INPP4B: variants seen among roughly 807,000 people sequenced by gnomAD.
INPP4B encodes inositol polyphosphate 4-phosphatase type II.
In INPP4B, 55 loss-of-function variants were observed where a neutral mutation model predicts 122.5. The ratio of observed to expected loss-of-function variants is 0.45; its 90% confidence interval spans 0.36 to 0.56. The LOEUF (loss-of-function observed/expected upper bound fraction) is 0.56. Ranked by LOEUF, INPP4B falls within the 20% of genes least tolerant of loss-of-function variation. The probability of loss-of-function intolerance (pLI) is 0.00; values close to 1 mark genes in which losing one functional copy is unlikely to be tolerated. For missense variants in INPP4B, 1,000 were observed against 1,097.7 expected (o/e 0.91, Z 1.26); for synonymous variants, 403 against 388.7 (o/e 1.04, Z -0.43).
intron 23 of INPP4B, among the ~76,000 whole-genome samples, chr4:142,103,864 A>T (rs1785691064): frequency 6.6e-6 from 1 of 151,988 alleles, no homozygotes; most frequent in Non-Finnish European, 1.5e-5. Context: ...CCCTCATTAC[A>T]GTACTAAATT....
intron 8 of INPP4B, among the ~76,000 whole-genome samples, chr4:142,312,299 G>C (rs1157613241): frequency 6.6e-6 from 1 of 152,162 alleles, no homozygotes; most frequent in Non-Finnish European, 1.5e-5. Flanking sequence ...GCTAGGGCTA[G>C]AAGAGAGGAG....
intron 15 of INPP4B, among the ~76,000 whole-genome samples, chr4:142,185,949 T>C (rs551852807): frequency 2.0e-5 from 3 of 150,682 alleles, no homozygotes; most frequent in African/African-American, 7.3e-5. Flanking sequence ...GGAATTTATC[T>C]AGAAGAAACA....
At chr4:142,632,071 C>T (rs903312701) in intron 2 of INPP4B, among the ~76,000 whole-genome samples, 10 of 152,020 alleles carry the variant, frequency 6.6e-5, no homozygotes, top group Non-Finnish European at 1.3e-4. Context: ...ATGCTATGTG[C>T]GTCATAGCCT....
intron 2 of INPP4B, among the ~76,000 whole-genome samples, chr4:142,585,259 C>A (rs1735918736): frequency 1.3e-5 from 2 of 152,244 alleles, no homozygotes. Context: ...AAAACAAGAT[C>A]TTTGTTTTGT....
intron 1 of INPP4B, among the ~76,000 whole-genome samples, chr4:142,730,054 G>C (rs1194823425): frequency 6.6e-6 from 1 of 151,986 alleles, no homozygotes; most frequent in Non-Finnish European, 1.5e-5. Context: ...TTCTGAGGGG[G>C]AAAACACCCT....
chr4:142,512,979 T>C (rs1250643633), intron 2 of INPP4B, among the ~76,000 whole-genome samples: 1 of 152,230 alleles, frequency 6.6e-6, no homozygotes, highest in Non-Finnish European at 1.5e-5. Flanking sequence ...ATTAAAAATT[T>C]GACATATAGC....
At chr4:142,500,048 C>T (rs1167780929) in intron 2 of INPP4B, among the ~76,000 whole-genome samples, 1 of 152,080 alleles carries the variant, frequency 6.6e-6, no homozygotes, top group Non-Finnish European at 1.5e-5. Flanking sequence ...CCAGGAGCTC[C>T]CTTTTCCTCC....
chr4:142,654,880 A>G (rs1288233185), intron 2 of INPP4B, among the ~76,000 whole-genome samples: 1 of 152,186 alleles, frequency 6.6e-6, no homozygotes, highest in Non-Finnish European at 1.5e-5. Flanking sequence ...AGTGACACAA[A>G]TACCCAAGCC....
chr4:142,281,338 A>ATTT lies in INPP4B; in HGVS notation c.504-10567_504-10565dup, dbSNP rs71586272. Among the ~76,000 whole-genome samples, 511 of 146,016 alleles carry ATTT rather than the reference A, an allele frequency of 3.5e-3. 2 individuals are homozygous for ATTT. The highest frequency in any genetic ancestry group is 0.011 in the African/African-American group (444 of 40,156). The stretch of plus-strand genomic sequence containing the variant: ...AAACAGTCTGGATAGATAGCTAAGC[A>ATTT]TTTTTTTTTTTTTGCTTCTTCAACA... On this transcript the variant is annotated intron_variant, in intron 9 of 25. Coordinates refer to ENST00000262992, the MANE Select transcript of INPP4B (RefSeq NM_001101669.3).
intron 2 of INPP4B, among the ~76,000 whole-genome samples, chr4:142,650,734 A>G (rs1752768389): frequency 1.3e-5 from 2 of 152,178 alleles, no homozygotes; most frequent in African/African-American, 2.4e-5. Flanking sequence ...GTCCTTAGAG[A>G]TCTACAAAGA....
rs529452805 is a variant in INPP4B, at chr4:142,610,159, C to T, written c.-191+115680G>A. Among the ~76,000 whole-genome samples, 13 of 152,212 alleles carry T rather than the reference C, an allele frequency of 8.5e-5. No homozygotes were observed. The South Asian group carries it at 2.5e-3, about 29-fold the overall frequency. ...AATCAGGGGGGCAGTTTCCTCCATA[C>T]TGTTCTCATGGTAGTAAATAAGTCT... On this transcript the variant is annotated intron_variant, in intron 2 of 25. Coordinates refer to ENST00000262992, the MANE Select transcript of INPP4B (RefSeq NM_001101669.3).
intron 17 of INPP4B, among the ~76,000 whole-genome samples, chr4:142,159,695 T>C (rs1287233578): frequency 6.6e-6 from 1 of 152,052 alleles, no homozygotes; most frequent in Non-Finnish European, 1.5e-5. Context: ...ATCGATTCAG[T>C]AATAACACCC....
intron 12 of INPP4B, among the ~76,000 whole-genome samples, chr4:142,227,991 A>T (rs1201223653): frequency 6.6e-6 from 1 of 151,984 alleles, no homozygotes; most frequent in Admixed American, 6.6e-5. Flanking sequence ...TCAAAAAGAA[A>T]ATTTTCTGAA....
chr4:142,793,931 A>G (rs537789749), intron 1 of INPP4B, among the ~76,000 whole-genome samples: 14 of 152,020 alleles, frequency 9.2e-5, no homozygotes, highest in South Asian at 4.1e-4. Context: ...GGATAGATGT[A>G]CCATATTCAT....
intron 18 of INPP4B, among the ~76,000 whole-genome samples, chr4:142,133,296 G>A (rs1802274013): frequency 6.6e-6 from 1 of 152,070 alleles, no homozygotes; most frequent in African/African-American, 2.4e-5. Context: ...GCCTGAATAT[G>A]TCTCCTGAAC....
intron 2 of INPP4B, among the ~76,000 whole-genome samples, chr4:142,641,571 C>T (rs1447713106): frequency 6.6e-6 from 1 of 152,104 alleles, no homozygotes; most frequent in Non-Finnish European, 1.5e-5. Context: ...TTTCCATCTT[C>T]ATTCATGTCC....
At chr4:142,839,413 G>A (rs994659091) in intron 1 of INPP4B, among the ~76,000 whole-genome samples, 2 of 151,996 alleles carry the variant, frequency 1.3e-5, no homozygotes, top group Admixed American at 6.6e-5. Flanking sequence ...CAGCCTGAGC[G>A]ACAGAGCAAG....
rs566998352 is a variant in INPP4B, at chr4:142,668,180, C to A, written c.-191+57659G>T. Among the ~76,000 whole-genome samples, 7 of 152,194 alleles carry A rather than the reference C, an allele frequency of 4.6e-5. No homozygotes were observed. In the South Asian group the frequency reaches 1.5e-3, roughly 32 times the overall value. ...CAACAGCACGATCAAGTGGAATTCA[C>A]CCCAGGGATGCAAGTATGGTACAAC... On this transcript the variant is annotated intron_variant, in intron 2 of 25. Coordinates refer to ENST00000262992, the MANE Select transcript of INPP4B (RefSeq NM_001101669.3).
intron 14 of INPP4B, among the ~76,000 whole-genome samples, chr4:142,206,414 A>G (rs980102227): frequency 6.6e-6 from 1 of 150,668 alleles, no homozygotes; most frequent in Non-Finnish European, 1.5e-5. Flanking sequence ...TAAGACCTAA[A>G]TTAAAATTTC....
Sources: allele counts gnomAD v4.1 joint callset (sites outside exome capture counted in the v4.1 genomes callset), GRCh38; gene constraint gnomAD v4.1.1; transcripts MANE v1.5; gene names NCBI Gene and HGNC (gene_info 2026-07-23, HGNC 2026-07-21).